Variants in XPO4 observed in about 807,000 individuals in gnomAD.
XPO4 encodes the protein exportin-4.
XPO4 carries 39 observed loss-of-function variants against 143.0 expected under a neutral mutation model. That is an observed-to-expected ratio of 0.27 (90% CI 0.21 to 0.36). The LOEUF is 0.36. Among genes scored for constraint, XPO4 ranks in the 10% least tolerant of loss-of-function variants. The pLI, the probability that XPO4 is intolerant of heterozygous loss-of-function variation, is 1.00. For missense variants in XPO4, 907 were observed against 1,348.0 expected (o/e 0.67, Z 5.12); for synonymous variants, 439 against 474.0 (o/e 0.93, Z 0.96).
Position 20,785,976 on chromosome 13 carries a change from G to GGAAGGAAGGAAGGA in XPO4, c.3258+988_3258+989insTCCTTCCTTCCTTC, listed in dbSNP as rs1193163197. On this transcript the variant is annotated intron_variant, in intron 22 of 22. Transcript: ENST00000255305. ...AGATAGAAAAAAGAAAAGAAAAAGA[G>GGAAGGAAGGAAGGA]AGGAAGGAAGGAAGGAAGGAAGGAA... Among the ~76,000 whole-genome samples the GGAAGGAAGGAAGGA allele has an allele frequency of 8.4e-5, 12 of 142,032 alleles. 1 individual carries two copies. Among genetic ancestry groups the GGAAGGAAGGAAGGA allele is most frequent in the African/African-American group, 3.2e-4 (12 of 37,966 alleles). 93.2% of individuals were successfully genotyped at this position (142,032 alleles called of 152,430 possible). A position where few individuals can be genotyped will look rare whatever the true frequency, so the allele number is the denominator to read the frequency against.
chr13:20,841,959 C>T (rs1332199965), intron 6 of XPO4, among the ~76,000 whole-genome samples: 6 of 151,882 alleles, frequency 4.0e-5, no homozygotes, highest in South Asian at 2.1e-4. Context: ...CACACAGAGG[C>T]GTATTAGTTC....
At chr13:20,889,001 C>T (rs1217846231) in intron 1 of XPO4, among the ~76,000 whole-genome samples, 1 of 151,932 alleles carries the variant, frequency 6.6e-6, no homozygotes, top group East Asian at 1.9e-4. Flanking sequence ...TTAGTAGAGA[C>T]GAGATTTCAC....
intron 1 of XPO4, among the ~76,000 whole-genome samples, chr13:20,894,949 G>C (rs2060554275): frequency 6.6e-6 from 1 of 151,832 alleles, no homozygotes; most frequent in African/African-American, 2.4e-5. Flanking sequence ...AGGCCGAGGC[G>C]AGCGGATCAC....
Position 20,780,420 on chromosome 13 carries a change from A to C in XPO4, c.*3302T>G, listed in dbSNP as rs1035398675. The C allele has an allele frequency of 2.6e-5, 4 of 152,182 alleles. No individual in the cohort carries two copies. Among genetic ancestry groups the C allele is most frequent in the African/African-American group, 9.7e-5 (4 of 41,420 alleles). 9.4% of individuals were successfully genotyped at this position (152,182 alleles called of 1,614,324 possible). On this transcript the variant is annotated 3_prime_UTR_variant, in exon 23 of 23. Transcript: ENST00000255305. Reference sequence around the variant, plus strand: ...AGGGGTTCATAGAAGTATTAACAGAAATGGGAAACATGGTGATATTACAAC... The same window carrying C: ...AGGGGTTCATAGAAGTATTAACAGACATGGGAAACATGGTGATATTACAAC...
intron 6 of XPO4, among the ~76,000 whole-genome samples, chr13:20,842,087 T>G (rs1024342030): frequency 1.3e-5 from 2 of 152,176 alleles, no homozygotes; most frequent in Non-Finnish European, 2.9e-5. Flanking sequence ...ATTGTTTCAT[T>G]TAATTCACAC....
At chr13:20,814,720 G>C (rs1292445980) in intron 9 of XPO4, among the ~76,000 whole-genome samples, 1 of 152,230 alleles carries the variant, frequency 6.6e-6, no homozygotes, top group African/African-American at 2.4e-5. Flanking sequence ...GGTATTGTCA[G>C]GCCTGCTGCC....
At chr13:20,824,026 T>G (rs1290623040) in intron 7 of XPO4, among the ~76,000 whole-genome samples, 2 of 152,256 alleles carry the variant, frequency 1.3e-5, no homozygotes, top group Non-Finnish European at 2.9e-5. Flanking sequence ...CATCTATGGC[T>G]GCTTCTGTAC....
intron 1 of XPO4, among the ~76,000 whole-genome samples, chr13:20,898,582 A>C (rs1038411355): frequency 1.3e-5 from 2 of 151,984 alleles, no homozygotes; most frequent in African/African-American, 4.8e-5. Context: ...GAAAAAAAAA[A>C]CCTATGAAAA....
rs35117619 is a variant in XPO4, at chr13:20,880,958, C to CAA, written c.70-12259_70-12258dup. 8.7e-4 allele frequency among the ~76,000 whole-genome samples: 119 copies of CAA among 136,936 alleles called. No individual in the cohort carries two copies. In the East Asian group the frequency reaches 0.01, roughly 12 times the overall value. 89.8% of individuals were successfully genotyped at this position (136,936 alleles called of 152,430 possible). A position where few individuals can be genotyped will look rare whatever the true frequency, so the allele number is the denominator to read the frequency against. ...GGGTAATAGAGCAAGACCCTGCCTC[C>CAA]AAAAAAAAAAAAAAAGGAATGAAGT... On this transcript the variant is annotated intron_variant, in intron 1 of 22. Coordinates refer to ENST00000255305, the MANE Select transcript of XPO4 (RefSeq NM_022459.5).
At chr13:20,852,341 G>A (rs2060097609) in intron 4 of XPO4, 2 of 985,418 alleles carry the variant, frequency 2.0e-6, no homozygotes, top group East Asian at 1.1e-4. Flanking sequence ...TGGGGGCAAG[G>A]ATAATATTTC....
chr13:20,899,774 T>A (rs1403974391), intron 1 of XPO4, among the ~76,000 whole-genome samples: 1 of 152,232 alleles, frequency 6.6e-6, no homozygotes, highest in East Asian at 1.9e-4. Flanking sequence ...ACTATTTGCA[T>A]TTTGAATCTC....
Position 20,807,532 on chromosome 13 carries a change from G to A in XPO4, c.1742C>T (p.Thr581Ile). ...KHSSEVDINT[T>I]LQILGSPGEK... ...TCCTGGAGATCCCAAAATTTGAAGT[G>A]TTGTATTAATGTCAACTTCAGATGA... Residue 581 changes from threonine (T) to isoleucine (I), a missense_variant, in exon 13 of 23, where the codon ACA becomes ATA. By Grantham distance (89) the Thr-to-Ile change is moderately conservative. Transcript: ENST00000255305. 1 of 1,613,508 alleles carries A rather than the reference G, an allele frequency of 6.2e-7. No homozygotes were observed. The highest frequency in any genetic ancestry group is 8.5e-7 in the Non-Finnish European group (1 of 1,179,746).
intron 12 of XPO4, among the ~76,000 whole-genome samples, chr13:20,808,214 G>A (rs951652230): frequency 2.6e-5 from 4 of 152,066 alleles, no homozygotes; most frequent in African/African-American, 7.2e-5. Context: ...CTAATTCAGC[G>A]GGTAGAATGA....
intron 9 of XPO4, among the ~76,000 whole-genome samples, chr13:20,813,396 G>C (rs188548168): frequency 6.6e-6 from 1 of 152,148 alleles, no homozygotes; most frequent in African/African-American, 2.4e-5. Flanking sequence ...ACACAAACAA[G>C]CATTTCAAAA....
At chr13:20,812,712 A>T (rs2818989) in intron 9 of XPO4, among the ~76,000 whole-genome samples, 2 of 152,098 alleles carry the variant, frequency 1.3e-5, no homozygotes, top group South Asian at 4.1e-4. Context: ...AATATGCCAA[A>T]GTTAATTTCT....
At chr13:20,852,702 C>T in intron 4 of XPO4, 1 of 978,532 alleles carries the variant, frequency 1.0e-6, no homozygotes, top group Non-Finnish European at 1.2e-6. Context: ...AATGAGAAAG[C>T]AAGGTACACC....
chr13:20,823,491 G>A (rs184597897), intron 7 of XPO4, among the ~76,000 whole-genome samples: 1 of 151,632 alleles, frequency 6.6e-6, no homozygotes, highest in Admixed American at 6.6e-5. Flanking sequence ...ATACTCTTTG[G>A]ACTAGAACAA....
At position 20,796,111 on chromosome 13, in the gene XPO4, AG is replaced by A; in HGVS notation, c.2761del (p.Leu921CysfsTer7). ...LLLIMELLTN[L>X]LSKEFIDFSD... is the part of the protein sequence containing the mutation. ...GAAATCTATGAATTCTTTTGACAGC[AG>A]GTTAGTAAGAAGTTCCATAATGAGA... On this transcript the variant is annotated frameshift_variant, in exon 18 of 23. Transcript: ENST00000255305. LOFTEE classifies it high-confidence loss of function. 6.2e-7 allele frequency: 1 copy of A among 1,613,710 alleles called. No individual in the cohort carries two copies. The highest frequency in any genetic ancestry group is 8.5e-7 in the Non-Finnish European group (1 of 1,179,852).
intron 2 of XPO4, chr13:20,865,957 A>ATT: frequency 1.1e-6 from 1 of 882,718 alleles, no homozygotes; most frequent in East Asian, 1.2e-4. Context: ...GTGGTTTATT[A>ATT]TTTTGTTTTG....
Sources: allele counts gnomAD v4.1 joint callset (sites outside exome capture counted in the v4.1 genomes callset), GRCh38; gene constraint gnomAD v4.1.1; transcripts MANE v1.5; gene names NCBI Gene and HGNC (gene_info 2026-07-23, HGNC 2026-07-21).